Variants in MGAT5 observed in about 807,000 individuals in gnomAD.
MGAT5 encodes the protein alpha-1,6-mannosylglycoprotein 6-beta-N-acetylglucosaminyltransferase, also known as alpha-1,6-mannosylglycoprotein 6-beta-N-acetylglucosaminyltransferase A.
MGAT5 carries 30 observed loss-of-function variants against 94.3 expected under a neutral mutation model. That is an observed-to-expected ratio of 0.32 (90% CI 0.24 to 0.43). The LOEUF (loss-of-function observed/expected upper bound fraction) is 0.43, where lower values mean the gene tolerates loss of function less well. Ranked by LOEUF, MGAT5 falls within the 20% of genes least tolerant of loss-of-function variation. MGAT5 has a pLI of 1.00. For synonymous variants in MGAT5, 310 were observed against 322.9 expected, an observed-to-expected ratio of 0.96 and a Z score of 0.43; for missense variants, 691 against 905.5, an observed-to-expected ratio of 0.76 and a Z score of 3.04.
intron 2 of MGAT5, among the ~76,000 whole-genome samples, chr2:134,279,224 A>T (rs957143808): frequency 6.6e-6 from 1 of 152,184 alleles, no homozygotes; most frequent in African/African-American, 2.4e-5. Context: ...TCTGCCACTT[A>T]TGTGCTTTGA....
chr2:134,369,966 G>T (rs1400687693), intron 10 of MGAT5, among the ~76,000 whole-genome samples: 1 of 152,164 alleles, frequency 6.6e-6, no homozygotes, highest in Non-Finnish European at 1.5e-5. Context: ...CTGTGGCATA[G>T]ATTTGGCTTT....
At position 134,451,132 on chromosome 2, in the gene MGAT5, C is replaced by G. The variant is rs1686084274; in HGVS notation, c.*2285C>G. The G allele has an allele frequency of 6.6e-6, 1 of 152,162 alleles. No individual in the cohort carries two copies. Among genetic ancestry groups the G allele is most frequent in the African/African-American group, 2.4e-5 (1 of 41,426 alleles). 9.4% of individuals were successfully genotyped at this position (152,162 alleles called of 1,614,324 possible). A position where few individuals can be genotyped will look rare whatever the true frequency, so the allele number is the denominator to read the frequency against. On this transcript the variant is annotated 3_prime_UTR_variant, in exon 16 of 16. Transcript: ENST00000281923. ...AGCCACTGCTACTTAAGCAAGGAAG[C>G]TGAAAGGTAACCTTAGCCCTGCCTT...
At chr2:134,250,324 T>C (rs1473853904), upstream of MGAT5, among the ~76,000 whole-genome samples, 1 of 152,240 alleles carries the variant, frequency 6.6e-6, no homozygotes, top group Non-Finnish European at 1.5e-5. Context: ...ATAGTCCCAC[T>C]GTGCCCATTG....
intron 1 of MGAT5, among the ~76,000 whole-genome samples, chr2:134,202,840 C>T (rs1330694655): frequency 6.6e-6 from 1 of 152,108 alleles, no homozygotes; most frequent in African/African-American, 2.4e-5. Context: ...CACAATTCTC[C>T]CCCAAAAAAT....
chr2:134,185,348 G>GTA (rs1688952300), intron 1 of MGAT5, among the ~76,000 whole-genome samples: 1 of 152,166 alleles, frequency 6.6e-6, no homozygotes, highest in East Asian at 1.9e-4. Flanking sequence ...GAATGGCTTT[G>GTA]TATATATGAA....
chr2:134,326,601 A>G (rs1687662058), intron 4 of MGAT5, among the ~76,000 whole-genome samples: 1 of 152,100 alleles, frequency 6.6e-6, no homozygotes, highest in African/African-American at 2.4e-5. Flanking sequence ...CAAGAGCATT[A>G]ATTGCTATTG....
chr2:134,323,790 A>G (rs1246317677), intron 4 of MGAT5, among the ~76,000 whole-genome samples: 2 of 152,124 alleles, frequency 1.3e-5, no homozygotes, highest in Non-Finnish European at 2.9e-5. Flanking sequence ...TCTTGCTGCC[A>G]TAACTCATGA....
chr2:134,199,283 G>A (rs916055339), intron 1 of MGAT5, among the ~76,000 whole-genome samples: 49 of 151,934 alleles, frequency 3.2e-4, no homozygotes, highest in African/African-American at 1.1e-3. Flanking sequence ...TTCCTGTTCC[G>A]TGATGTGACT....
intron 1 of MGAT5, among the ~76,000 whole-genome samples, chr2:134,138,902 T>A (rs1454329664): frequency 2.0e-5 from 3 of 152,190 alleles, no homozygotes; most frequent in Non-Finnish European, 4.4e-5. Flanking sequence ...ATGGTCCCCC[T>A]ACTGATAAGG....
Position 134,365,667 on chromosome 2 carries a change from A to C in MGAT5, c.1380+3259A>C, listed in dbSNP as rs191765096. Among the ~76,000 whole-genome samples, 63 of 152,140 alleles carry C rather than the reference A, an allele frequency of 4.1e-4. 1 individual carries two copies. The highest frequency in any genetic ancestry group is 1.4e-3 in the African/African-American group (60 of 41,510). On this transcript the variant is annotated intron_variant, in intron 10 of 15. Coordinates refer to ENST00000281923, the MANE Select transcript of MGAT5 (RefSeq NM_002410.5). Reference sequence around the variant, plus strand: ...CTGATAGAGTGGAAGACACAGATAGAACTCCTGCAGCCTGGAGAGAAAGAG... The same window carrying C: ...CTGATAGAGTGGAAGACACAGATAGCACTCCTGCAGCCTGGAGAGAAAGAG...
At chr2:134,243,646 A>G (rs1682084454) in intron 1 of MGAT5, among the ~76,000 whole-genome samples, 1 of 152,164 alleles carries the variant, frequency 6.6e-6, no homozygotes, top group Non-Finnish European at 1.5e-5. Flanking sequence ...GAACTTCTTT[A>G]TAAGGTTAAG....
chr2:134,195,707 G>A (rs866662071), intron 1 of MGAT5, among the ~76,000 whole-genome samples: 1 of 152,106 alleles, frequency 6.6e-6, no homozygotes, highest in Non-Finnish European at 1.5e-5. Context: ...CCTTTTTAAC[G>A]TCTATAATCT....
intron 1 of MGAT5, among the ~76,000 whole-genome samples, chr2:134,160,810 A>G (rs1215706855): frequency 2.0e-5 from 3 of 152,244 alleles, no homozygotes; most frequent in Non-Finnish European, 4.4e-5. Flanking sequence ...TAATAAGGGT[A>G]GCCCCTGAAA....
At chr2:134,200,819 G>C (rs1353125711) in intron 1 of MGAT5, among the ~76,000 whole-genome samples, 1 of 152,094 alleles carries the variant, frequency 6.6e-6, no homozygotes, top group East Asian at 1.9e-4. Flanking sequence ...AGGCATTCAA[G>C]ACCACCCTGG....
At chr2:134,361,218 T>G (rs1680075429) in intron 9 of MGAT5, among the ~76,000 whole-genome samples, 1 of 152,214 alleles carries the variant, frequency 6.6e-6, no homozygotes, top group South Asian at 2.1e-4. Flanking sequence ...CACCTATCTG[T>G]GAATGGATGT....
chr2:134,208,063 C>G (rs1680105338), intron 1 of MGAT5, among the ~76,000 whole-genome samples: 1 of 152,090 alleles, frequency 6.6e-6, no homozygotes, highest in African/African-American at 2.4e-5. Context: ...TGAGGCCTGC[C>G]TAGGGATGAT....
intron 12 of MGAT5, among the ~76,000 whole-genome samples, chr2:134,419,362 A>G (rs1684152988): frequency 6.6e-6 from 1 of 151,682 alleles, no homozygotes; most frequent in African/African-American, 2.4e-5. Flanking sequence ...TTTTATCTTT[A>G]TATTGGGAAA....
At chr2:134,162,952 C>T (rs1218387140) in intron 1 of MGAT5, among the ~76,000 whole-genome samples, 1 of 152,118 alleles carries the variant, frequency 6.6e-6, no homozygotes, top group Non-Finnish European at 1.5e-5. Context: ...AACTTAGGAG[C>T]ATGAATAGAA....
chr2:134,311,523 A>G (rs1175305346), intron 2 of MGAT5, among the ~76,000 whole-genome samples: 1 of 152,016 alleles, frequency 6.6e-6, no homozygotes, highest in East Asian at 1.9e-4. Flanking sequence ...GCTCGCATGC[A>G]AACTCCTGTC....
Sources: allele counts gnomAD v4.1 joint callset (sites outside exome capture counted in the v4.1 genomes callset), GRCh38; gene constraint gnomAD v4.1.1; transcripts MANE v1.5; gene names NCBI Gene and HGNC (gene_info 2026-07-23, HGNC 2026-07-21).